The following SOX15 variants were observed in gnomAD, a reference collection of about 807,000 sequenced individuals.
SOX15 encodes the protein transcription factor SOX-15.
Under a neutral mutation model 15.9 loss-of-function variants are expected in SOX15, and 12 were observed. The observed-to-expected ratio is 0.75, with a 90% CI of 0.48 to 1.22. The LOEUF (loss-of-function observed/expected upper bound fraction) is 1.22. SOX15 is among the 50% of genes most tolerant of loss of function. The pLI, the probability that SOX15 is intolerant of heterozygous loss-of-function variation, is 0.00. For synonymous variants in SOX15, 149 were observed against 142.8 expected (o/e 1.04, Z -0.31); for missense variants, 309 against 313.9 (o/e 0.98, Z 0.12).
rs765144990 is a variant in SOX15 at position 7,589,397 on chromosome 17, C to G, written c.280G>C (p.Glu94Gln). The change falls in exon 1 of 2, where the codon GAG (glutamate) becomes CAG (glutamine). Residue 94 changes from glutamate (E) to glutamine (Q), a missense_variant. Transcript: ENST00000250055. ...GCCTCCTCCACGAAGGGCCGCTTCT[C>G]GTCCTCGTCCAGCAGCTTCCACTGC... ...GAQWKLLDED[E>Q]KRPFVEEAKR... 1.1e-5 allele frequency: 17 copies of G among 1,613,020 alleles called. No homozygotes were observed. The highest frequency in any genetic ancestry group is 1.4e-5 in the Non-Finnish European group (16 of 1,179,628).
At position 7,589,582 on chromosome 17, in the gene SOX15, C is replaced by T. The variant is rs201488285; in HGVS notation, c.95G>A (p.Arg32Gln). ...GGCCGCGGGGCTCCCAGCGCCCTCCCGCTCCTGGGGTCCCGAAGATGAGGA... is the reference window on the plus strand; with the variant it reads ...GGCCGCGGGGCTCCCAGCGCCCTCCTGCTCCTGGGGTCCCGAAGATGAGGA... ...AASSSSGPQE[R>Q]EGAGSPAAPG... Residue 32 changes from arginine to glutamine, a missense_variant, in exon 1 of 2, where the codon CGG (arginine) becomes CAG (glutamine). Arg to Gln is a conservative substitution (Grantham distance 43). Transcript: ENST00000250055. 194 of 1,577,604 alleles carry T rather than the reference C, an allele frequency of 1.2e-4. No individual in the cohort carries two copies. In the African/African-American group the frequency reaches 1.8e-3, roughly 15 times the overall value.
Position 7,589,338 on chromosome 17 carries a change from G to T in SOX15, c.339C>A (p.Tyr113Ter). Residue 113 changes from tyrosine to a stop codon, truncating the protein, a stop_gained, in exon 1 of 2, where the codon TAC (tyrosine) becomes TAA (stop). Transcript: ENST00000250055. LOFTEE classifies it high-confidence loss of function. ...GCCGAGGCCGGTACTTGTAGTCGGG[G>T]TAGTCGCGCAGGTGTCGGGCGCGGA... ...KRLRARHLRD[Y>*]PDYKYRPRRK... 6.2e-7 allele frequency: 1 copy of T among 1,608,516 alleles called. No homozygotes were observed. Among genetic ancestry groups the T allele is most frequent in the Non-Finnish European group, 8.5e-7 (1 of 1,177,246 alleles).
Position 7,588,352 on chromosome 17 carries a change from TC to T in SOX15, c.*25del. The T allele has an allele frequency of 6.2e-7, 1 of 1,610,560 alleles. No homozygotes were observed. The highest frequency in any genetic ancestry group is 8.5e-7 in the Non-Finnish European group (1 of 1,177,142). ...GATTAAAAAAGGAGGATGAGGCCCG[TC>T]CCGTGAGGTCTGCGTCCATGAGGGT... On this transcript the variant is annotated 3_prime_UTR_variant, in exon 2 of 2. Coordinates refer to ENST00000250055, the MANE Select transcript of SOX15 (RefSeq NM_006942.2).
In SOX15 at chr17:7,589,411, A is replaced by C; in HGVS notation, c.266T>G (p.Leu89Arg). ...GGGCCGCTTCTCGTCCTCGTCCAGC[A>C]GCTTCCACTGCGCGCCCAGGCGCTT... ...ISKRLGAQWK[L>R]LDEDEKRPFV... The change falls in exon 1 of 2, where the codon CTG (leucine) becomes CGG (arginine). Residue 89 changes from leucine to arginine, a missense_variant. Leu to Arg is a moderately radical substitution (Grantham distance 102, BLOSUM62 -2). Transcript: ENST00000250055. The C allele has an allele frequency of 6.2e-7, 1 of 1,613,708 alleles. No homozygotes were observed. The highest frequency in any genetic ancestry group is 8.5e-7 in the Non-Finnish European group (1 of 1,179,848).
In SOX15 at chr17:7,588,902, G is replaced by A. The variant is rs1470488830; in HGVS notation, c.533+242C>T. On this transcript the variant is annotated intron_variant, in intron 1 of 1. Transcript: ENST00000250055. ...TAACTAGGACACAGTCGCATCCAGG[G>A]GTCAGTCACCTGACCCTACAGGGCC... is the stretch of plus-strand genomic sequence containing the variant. 8.5e-5 allele frequency: 50 copies of A among 589,972 alleles called. 1 individual carries two copies. Among genetic ancestry groups the A allele is most frequent in the South Asian group, 8.0e-4 (39 of 48,608 alleles). The allele number at this position is 589,972 out of a possible 1,614,324, so 36.5% of individuals were successfully genotyped here.
At position 7,588,339 on chromosome 17, in the gene SOX15, AG is replaced by A; in HGVS notation, c.*38del. ...GGGGATGCTGCTGGATTAAAAAAGGAGGATGAGGCCCGTCCCGTGAGGTCTG... is the reference window on the plus strand; with the variant it reads ...GGGGATGCTGCTGGATTAAAAAAGGAGATGAGGCCCGTCCCGTGAGGTCTG... On this transcript the variant is annotated 3_prime_UTR_variant, in exon 2 of 2. Coordinates refer to ENST00000250055, the MANE Select transcript of SOX15 (RefSeq NM_006942.2). The A allele has an allele frequency of 2.5e-6, 4 of 1,601,486 alleles. No individual in the cohort carries two copies. The highest frequency in any genetic ancestry group is 3.4e-6 in the Non-Finnish European group (4 of 1,168,716).
Position 7,588,232 on chromosome 17 carries a change from G to A in SOX15, c.*146C>T, listed in dbSNP as rs1332681843. On this transcript the variant is annotated 3_prime_UTR_variant, in exon 2 of 2. Transcript: ENST00000250055. ...CAAAAATATAATTGTATGTTGTGCG[G>A]CTCTCCCTGGCTATCATGGGAGGAC... 1.2e-6 allele frequency: 1 copy of A among 820,948 alleles called. No individual in the cohort carries two copies. The highest frequency in any genetic ancestry group is 2.4e-5 in the East Asian group (1 of 41,428). The allele number at this position is 820,948 out of a possible 1,614,324, so 50.9% of individuals were successfully genotyped here.
chr17:7,588,394 G>A lies in SOX15; in HGVS notation c.686C>T (p.Pro229Leu). 1 of 1,613,358 alleles carries A rather than the reference G, an allele frequency of 6.2e-7. No individual in the cohort carries two copies. Among genetic ancestry groups the A allele is most frequent in the Non-Finnish European group, 8.5e-7 (1 of 1,179,608 alleles). Residue 229 changes from proline (P) to leucine (L), a missense_variant, in exon 2 of 2, where the codon CCC becomes CTC. Transcript: ENST00000250055. ...CCATGAGGGTTAGAGGTGGGTTAGG[G>A]GCATGGGGGCACCAGCAAGGGGAGG... The part of the protein sequence containing the change: ...YNPPLAGAPM[P>L]LTHL
rs2071637811 is a variant in SOX15, at chr17:7,589,779, AG to A, written c.-104del. 9.3e-7 allele frequency: 1 copy of A among 1,078,852 alleles called. No individual in the cohort carries two copies. Among genetic ancestry groups the A allele is most frequent in the Admixed American group, 2.9e-5 (1 of 34,516 alleles). 66.8% of individuals were successfully genotyped at this position (1,078,852 alleles called of 1,614,324 possible). A position where few individuals can be genotyped will look rare whatever the true frequency, so the allele number is the denominator to read the frequency against. On this transcript the variant is annotated 5_prime_UTR_variant, in exon 1 of 2. Coordinates refer to ENST00000250055, the MANE Select transcript of SOX15 (RefSeq NM_006942.2). ...TCTTCCCAGTCTGGAGTCGTTGCCGAGGAACTTGGGTCCTTAAAAAGTGTAT... is the reference window on the plus strand; with the variant it reads ...TCTTCCCAGTCTGGAGTCGTTGCCGAGAACTTGGGTCCTTAAAAAGTGTAT...
chr17:7,589,781 G>C lies in SOX15; in HGVS notation c.-105C>G. ...TTCCCAGTCTGGAGTCGTTGCCGAG[G>C]AACTTGGGTCCTTAAAAAGTGTATT... On this transcript the variant is annotated 5_prime_UTR_variant, in exon 1 of 2. Coordinates refer to ENST00000250055, the MANE Select transcript of SOX15 (RefSeq NM_006942.2). 4 of 1,029,288 alleles carry C rather than the reference G, an allele frequency of 3.9e-6. No individual in the cohort carries two copies. The highest frequency in any genetic ancestry group is 5.5e-6 in the Non-Finnish European group (4 of 727,756). 63.8% of individuals were successfully genotyped at this position (1,029,288 alleles called of 1,614,324 possible).
Position 7,589,712 on chromosome 17 carries a change from C to G in SOX15, c.-36G>C. 1 of 1,491,714 alleles carries G rather than the reference C, an allele frequency of 6.7e-7. No individual in the cohort carries two copies. Among genetic ancestry groups the G allele is most frequent in the Non-Finnish European group, 8.9e-7 (1 of 1,123,312 alleles). 92.4% of individuals were successfully genotyped at this position (1,491,714 alleles called of 1,614,324 possible). A position where few individuals can be genotyped will look rare whatever the true frequency, so the allele number is the denominator to read the frequency against. ...AAGCCTTAAGAGGGCGTCCTGAATGCCCTCCCCTCAACGTGAAGCGTCGAT... is the reference window on the plus strand; with the variant it reads ...AAGCCTTAAGAGGGCGTCCTGAATGGCCTCCCCTCAACGTGAAGCGTCGAT... On this transcript the variant is annotated 5_prime_UTR_variant, in exon 1 of 2. Coordinates refer to ENST00000250055, the MANE Select transcript of SOX15 (RefSeq NM_006942.2).
In SOX15 at chr17:7,588,463, G is replaced by A; in HGVS notation, c.617C>T (p.Thr206Ile). 2.5e-6 allele frequency: 4 copies of A among 1,613,904 alleles called. No homozygotes were observed. The highest frequency in any genetic ancestry group is 3.4e-6 in the Non-Finnish European group (4 of 1,179,854). ...GCCAGGGGGCAGGTAGTGGGTATAG[G>A]TGGGCAGCAGTTCCCCCTGGAGCCT... ...DPRLQGELLPTYTHYLPPGSP... is the reference protein window; with the variant it reads ...DPRLQGELLPIYTHYLPPGSP... Residue 206 changes from threonine (T) to isoleucine (I), a missense_variant, in exon 2 of 2, where the codon ACC (threonine) becomes ATC (isoleucine). Physicochemically the swap from Thr to Ile is moderately conservative, Grantham distance 89 (BLOSUM62 -1). Coordinates refer to ENST00000250055, the MANE Select transcript of SOX15 (RefSeq NM_006942.2).
intron 1 of SOX15, 28 bp from the exon 2 acceptor site, chr17:7,588,574 G>T: frequency 6.2e-7 from 1 of 1,609,834 alleles, no homozygotes; most frequent in Non-Finnish European, 8.5e-7. Flanking sequence ...AGGTTAGAGG[G>T]CACTTCCCTG....
chr17:7,588,835 T>A (rs2071626463), intron 1 of SOX15, among the ~76,000 whole-genome samples: 1 of 152,084 alleles, frequency 6.6e-6, no homozygotes, highest in Non-Finnish European at 1.5e-5. Flanking sequence ...GAGAGGAAGC[T>A]GGGTCACACA....
chr17:7,589,432 C>A lies in SOX15; in HGVS notation c.245G>T (p.Arg82Leu), dbSNP rs200429073. The change falls in exon 1 of 2, where the codon CGC becomes CTC. Residue 82 changes from arginine to leucine, a missense_variant. Arg to Leu is a moderately radical substitution (Grantham distance 102, BLOSUM62 -2). Coordinates refer to ENST00000250055, the MANE Select transcript of SOX15 (RefSeq NM_006942.2). ...CAGCAGCTTCCACTGCGCGCCCAGG[C>A]GCTTGGAGATCTCGGAGTTGTGCAT... The part of the protein sequence containing the change: ...PKMHNSEISK[R>L]LGAQWKLLDE... 32 of 1,613,796 alleles carry A rather than the reference C, an allele frequency of 2.0e-5. No homozygotes were observed. Among genetic ancestry groups the A allele is most frequent in the Non-Finnish European group, 2.7e-5 (32 of 1,179,928 alleles).
In SOX15 at chr17:7,588,333, A is replaced by G; in HGVS notation, c.*45T>C. 1 of 1,595,944 alleles carries G rather than the reference A, an allele frequency of 6.3e-7. No homozygotes were observed. The highest frequency in any genetic ancestry group is 1.3e-5 in the African/African-American group (1 of 74,626). On this transcript the variant is annotated 3_prime_UTR_variant, in exon 2 of 2. Transcript: ENST00000250055. ...GGGGTAGGGGATGCTGCTGGATTAA[A>G]AAAGGAGGATGAGGCCCGTCCCGTG...
chr17:7,588,515 G>A lies in SOX15; in HGVS notation c.565C>T (p.Pro189Ser), dbSNP rs1282948108. The A allele has an allele frequency of 2.5e-6, 4 of 1,613,536 alleles. No individual in the cohort carries two copies. The highest frequency in any genetic ancestry group is 1.3e-5 in the African/African-American group (1 of 74,894). Reference sequence around the variant, plus strand: ...GGGTCACTCTGAGGGAGGGAGCACGGTGAGGGGGCTTCCAGTTTGCAGTGG... The same window carrying A: ...GGGTCACTCTGAGGGAGGGAGCACGATGAGGGGGCTTCCAGTTTGCAGTGG... ...SSHCKLEAPS[P>S]CSLPQSDPRL... Residue 189 changes from proline to serine, a missense_variant, in exon 2 of 2, where the codon CCG becomes TCG. Physicochemically the swap from Pro to Ser is moderately conservative, Grantham distance 74. Coordinates refer to ENST00000250055, the MANE Select transcript of SOX15 (RefSeq NM_006942.2).
rs2071621429 is a variant in SOX15 at position 7,588,459 on chromosome 17, A to G, written c.621T>C (p.Tyr207=). ...GAGAGCCAGGGGGCAGGTAGTGGGT[A>G]TAGGTGGGCAGCAGTTCCCCCTGGA... ...PRLQGELLPT[Y]THYLPPGSPT... The change falls in exon 2 of 2, where the codon TAT becomes TAC. Residue 207 remains tyrosine, a synonymous_variant. Transcript: ENST00000250055. 1 of 1,613,732 alleles carries G rather than the reference A, an allele frequency of 6.2e-7. No individual in the cohort carries two copies. The highest frequency in any genetic ancestry group is 1.3e-5 in the African/African-American group (1 of 75,018).
chr17:7,588,269 TCTGAA>T lies in SOX15; in HGVS notation c.*104_*108del, dbSNP rs1416032467. The T allele has an allele frequency of 1.8e-6, 2 of 1,093,022 alleles. No homozygotes were observed. The highest frequency in any genetic ancestry group is 2.8e-6 in the Non-Finnish European group (2 of 704,450). The allele number at this position is 1,093,022 out of a possible 1,614,324, so 67.7% of individuals were successfully genotyped here. On this transcript the variant is annotated 3_prime_UTR_variant, in exon 2 of 2. Coordinates refer to ENST00000250055, the MANE Select transcript of SOX15 (RefSeq NM_006942.2). Reference sequence around the variant, plus strand: ...TATCATGGGAGGACTGCAGGCTGCCTCTGAACTGTAGTCCAACAGGAGAAAGGGTT... The same window carrying T: ...TATCATGGGAGGACTGCAGGCTGCCTCTGTAGTCCAACAGGAGAAAGGGTT...
Sources: allele counts gnomAD v4.1 joint callset (sites outside exome capture counted in the v4.1 genomes callset), GRCh38; gene constraint gnomAD v4.1.1; transcripts MANE v1.5; gene names NCBI Gene and HGNC (gene_info 2026-07-23, HGNC 2026-07-21).